The following PAK2 variants were observed in gnomAD, a reference collection of about 807,000 sequenced individuals.
The protein encoded by PAK2 is serine/threonine-protein kinase PAK 2.
Under a neutral mutation model 65.9 loss-of-function variants are expected in PAK2, and 21 were observed. The ratio of observed to expected loss-of-function variants is 0.32; its 90% CI spans 0.23 to 0.46. The LOEUF is 0.46. Among genes scored for constraint, PAK2 ranks in the 20% least tolerant of loss-of-function variants. The pLI is 1.00. For missense variants in PAK2, 324 were observed against 642.6 expected (o/e 0.50, Z 5.36); for synonymous variants, 204 against 219.7 (o/e 0.93, Z 0.63).
At chr3:196,751,667 T>TATATATATATATATATATATATATATATA (rs1560089766) in intron 1 of PAK2, among the ~76,000 whole-genome samples, 2 of 45,088 alleles carry the variant, frequency 4.4e-5, no homozygotes, top group Admixed American at 2.4e-4. Context: ...ACAAATTTAT[T>TATATATATATATATATATATATATATATA]TATATACATA....
At chr3:196,808,575 A>AG (rs982782066) in intron 7 of PAK2, among the ~76,000 whole-genome samples, 2 of 138,776 alleles carry the variant, frequency 1.4e-5, no homozygotes, top group South Asian at 2.3e-4. Flanking sequence ...AAAAAAAAAA[A>AG]GCGAACCGGC....
rs1462870920 is a variant in PAK2 at position 196,751,743 on chromosome 3, T to C, written c.-22+11586T>C. 1.6e-3 allele frequency among the ~76,000 whole-genome samples: 44 copies of C among 28,216 alleles called. 1 individual carries two copies. The highest frequency in any genetic ancestry group is 7.7e-3 in the African/African-American group (43 of 5,596). The allele number at this position is 28,216 out of a possible 152,430, so 18.5% of individuals were successfully genotyped here. On this transcript the variant is annotated intron_variant, in intron 1 of 14. Coordinates refer to ENST00000327134, the MANE Select transcript of PAK2 (RefSeq NM_002577.4). ...ATTTATGAAACACAAATGAATTTCT[T>C]TTTTTTTTTTTTTTTTTTGAGACCG...
chr3:196,766,756 C>T (rs371342664), intron 1 of PAK2, among the ~76,000 whole-genome samples: 34 of 130,786 alleles, frequency 2.6e-4, no homozygotes, highest in African/African-American at 7.5e-4. Context: ...CCGACCCATG[C>T]GGTAACTATG....
chr3:196,828,218 T>G, intron 14 of PAK2, 101 bp from the exon 15 acceptor site: 1 of 699,642 alleles, frequency 1.4e-6, no homozygotes, highest in African/African-American at 1.8e-5. Context: ...TATTAAATTA[T>G]GATCGACAAG....
At chr3:196,812,360 T>G in intron 9 of PAK2, 93 bp downstream of exon 9, 1 of 801,616 alleles carries the variant, frequency 1.2e-6, no homozygotes, top group Non-Finnish European at 2.2e-6. Flanking sequence ...GGAACCTCTT[T>G]TAAGTTGAGC....
At chr3:196,741,683 A>G (rs1713197121) in intron 1 of PAK2, among the ~76,000 whole-genome samples, 1 of 152,210 alleles carries the variant, frequency 6.6e-6, no homozygotes, top group Admixed American at 6.5e-5. Context: ...AAGGCTCTGA[A>G]AAAAGTGGCT....
intron 1 of PAK2, among the ~76,000 whole-genome samples, chr3:196,772,904 TAAATAA>T (rs1714404966): frequency 6.6e-6 from 1 of 152,206 alleles, no homozygotes; most frequent in Non-Finnish European, 1.5e-5. Context: ...ATATAAAAAG[TAAATAA>T]AAATGCTTTT....
chr3:196,803,190 C>T (rs1309507385), intron 4 of PAK2, 26 bp downstream of exon 4: 2 of 1,549,720 alleles, frequency 1.3e-6, no homozygotes, highest in South Asian at 2.4e-5. Flanking sequence ...AAGGCTGGAT[C>T]AGATGGAGAT....
At chr3:196,769,314 C>G (rs903527137) in intron 1 of PAK2, among the ~76,000 whole-genome samples, 3 of 151,636 alleles carry the variant, frequency 2.0e-5, no homozygotes. Context: ...CAGTGAGTCT[C>G]AAAAAAATAA....
chr3:196,803,130 A>C lies in PAK2; in HGVS notation c.402A>C (p.Thr134=). ...TCCTAAAGTTCTACGACTCCAACAC[A>C]GTGAAGCAGAAATATCTGAGCTTTA... ...LDVLKFYDSN[T]VKQKYLSFTP... Residue 134 remains threonine, a synonymous_variant, in exon 4 of 15, where the codon ACA becomes ACC. Transcript: ENST00000327134. 1 of 1,611,410 alleles carries C rather than the reference A, an allele frequency of 6.2e-7. No individual in the cohort carries two copies. Among genetic ancestry groups the C allele is most frequent in the Non-Finnish European group, 8.5e-7 (1 of 1,178,848 alleles).
intron 1 of PAK2, among the ~76,000 whole-genome samples, chr3:196,757,881 G>T (rs1484344662): frequency 3.3e-5 from 5 of 152,156 alleles, no homozygotes; most frequent in Non-Finnish European, 4.4e-5. Flanking sequence ...GGTGCTTAAG[G>T]GATGAGGTTT....
intron 13 of PAK2, among the ~76,000 whole-genome samples, chr3:196,826,972 A>G (rs1711898883): frequency 6.6e-6 from 1 of 152,188 alleles, no homozygotes; most frequent in Non-Finnish European, 1.5e-5. Context: ...TAACCGAAGA[A>G]AAACCAAAGG....
intron 2 of PAK2, among the ~76,000 whole-genome samples, chr3:196,796,219 C>T (rs1418148521): frequency 1.3e-5 from 2 of 150,934 alleles, no homozygotes; most frequent in African/African-American, 2.5e-5. Flanking sequence ...TCTTTCTTAT[C>T]TAAATTTCTT....
At position 196,816,205 on chromosome 3, in the gene PAK2, T is replaced by A. The variant is rs540298954; in HGVS notation, c.1053+1637T>A. On this transcript the variant is annotated intron_variant, in intron 11 of 14. Transcript: ENST00000327134. ...CAGCAGTTCTTCAGTGACATGTGAATTACAAACTTTGTTCATGTAAGGATG... is the reference window on the plus strand; with the variant it reads ...CAGCAGTTCTTCAGTGACATGTGAAATACAAACTTTGTTCATGTAAGGATG... 1.2e-4 allele frequency among the ~76,000 whole-genome samples: 19 copies of A among 152,314 alleles called. No homozygotes were observed. In the East Asian group the frequency reaches 1.7e-3, roughly 14 times the overall value.
intron 12 of PAK2, 86 bp downstream of exon 12, chr3:196,818,242 G>A: frequency 3.3e-6 from 2 of 610,954 alleles, no homozygotes; most frequent in East Asian, 2.8e-5. Flanking sequence ...CCAATGCAAG[G>A]ATTAATAATG....
chr3:196,782,669 A>G lies in PAK2; in HGVS notation c.23A>G (p.Glu8Gly). Reference protein sequence around the residue: MSDNGELEDKPPAPPVRM... With the variant: MSDNGELGDKPPAPPVRM... ...ATCATGTCTGATAACGGAGAACTGG[A>G]AGATAAGCCTCCAGCACCTCCTGTG... is the stretch of plus-strand genomic sequence containing the variant. Residue 8 changes from glutamate to glycine, a missense_variant, in exon 2 of 15, where the codon GAA becomes GGA. Transcript: ENST00000327134. 1.2e-6 allele frequency: 2 copies of G among 1,600,350 alleles called. No individual in the cohort carries two copies. Among genetic ancestry groups the G allele is most frequent in the Non-Finnish European group, 1.7e-6 (2 of 1,173,398 alleles).
At chr3:196,752,864 G>A (rs1178599937) in intron 1 of PAK2, among the ~76,000 whole-genome samples, 1 of 151,824 alleles carries the variant, frequency 6.6e-6, no homozygotes, top group African/African-American at 2.4e-5. Context: ...AGGGCTGGTA[G>A]TAAAAGCATG....
chr3:196,764,816 C>T (rs1714101771), intron 1 of PAK2, among the ~76,000 whole-genome samples: 2 of 150,926 alleles, frequency 1.3e-5, no homozygotes, highest in Non-Finnish European at 3.0e-5. Flanking sequence ...ACTGCACCGA[C>T]CCCAAATTTT....
At chr3:196,802,785 A>G (rs551591539) in intron 3 of PAK2, among the ~76,000 whole-genome samples, 67 of 151,568 alleles carry the variant, frequency 4.4e-4, no homozygotes, top group Admixed American at 2.2e-3. Flanking sequence ...TGGAGCTTGC[A>G]GTGAGCCGAG....
Sources: allele counts gnomAD v4.1 joint callset (sites outside exome capture counted in the v4.1 genomes callset), GRCh38; gene constraint gnomAD v4.1.1; transcripts MANE v1.5; gene names NCBI Gene and HGNC (gene_info 2026-07-23, HGNC 2026-07-21).